The following PDE6A variants were observed in gnomAD, a reference collection of about 807,000 sequenced individuals.
PDE6A encodes the protein rod cGMP-specific 3',5'-cyclic phosphodiesterase subunit alpha.
Under a neutral mutation model 106.3 loss-of-function variants are expected in PDE6A, and 84 were observed. The ratio of observed to expected loss-of-function variants is 0.79; its 90% CI spans 0.66 to 0.95. PDE6A has a LOEUF of 0.95. Among genes scored for constraint, PDE6A ranks in the 40% least tolerant of loss-of-function variants. PDE6A has a pLI of 0.00. For synonymous variants in PDE6A, 394 were observed against 386.6 expected, an observed-to-expected ratio of 1.02 and a Z score of -0.23; for missense variants, 1,052 against 1,084.9, an observed-to-expected ratio of 0.97 and a Z score of 0.43.
At chr5:149,897,253 A>G (rs555981836) in intron 10 of PDE6A, among the ~76,000 whole-genome samples, 1 of 152,320 alleles carries the variant, frequency 6.6e-6, no homozygotes, top group East Asian at 1.9e-4. Context: ...CCTCTCATTT[A>G]CTGTGTAACT....
At chr5:149,868,277 G>T in intron 17 of PDE6A, 119 bp from the exon 18 acceptor site, 1 of 975,386 alleles carries the variant, frequency 1.0e-6, no homozygotes, top group Admixed American at 1.9e-5. Flanking sequence ...CTCATTGTGA[G>T]GAAAGGGCTC....
At chr5:149,925,753 A>C (rs1046824586) in intron 4 of PDE6A, among the ~76,000 whole-genome samples, 1 of 151,816 alleles carries the variant, frequency 6.6e-6, no homozygotes, top group Non-Finnish European at 1.5e-5. Flanking sequence ...AGATGGATCG[A>C]AGAAATATTC....
At chr5:149,885,384 G>C (rs1752250385) in intron 14 of PDE6A, among the ~76,000 whole-genome samples, 1 of 152,214 alleles carries the variant, frequency 6.6e-6, no homozygotes, top group African/African-American at 2.4e-5. Context: ...TTTCTCATCT[G>C]TAAGTAGGGA....
chr5:149,884,358 G>GTA (rs1561707563), intron 16 of PDE6A, 121 bp downstream of exon 16: 2 of 690,532 alleles, frequency 2.9e-6, no homozygotes, highest in Non-Finnish European at 5.2e-6. Context: ...GTATATATGT[G>GTA]TATATATGTA....
intron 13 of PDE6A, among the ~76,000 whole-genome samples, chr5:149,891,821 A>G (rs1730792002): frequency 6.6e-6 from 1 of 152,102 alleles, no homozygotes; most frequent in Non-Finnish European, 1.5e-5. Context: ...AAGGAAAAAA[A>G]AAGTTTGGTT....
At chr5:149,932,449 C>G (rs1754064645) in intron 3 of PDE6A, 6 of 1,402,738 alleles carry the variant, frequency 4.3e-6, no homozygotes, top group Non-Finnish European at 6.1e-6. Flanking sequence ...AGGTCAAGAT[C>G]TGCTGGTCTT....
At chr5:149,937,436 G>A (rs1754215004) in intron 1 of PDE6A, among the ~76,000 whole-genome samples, 1 of 152,180 alleles carries the variant, frequency 6.6e-6, no homozygotes, top group South Asian at 2.1e-4. Flanking sequence ...GGAGTGCAGT[G>A]TAGCCATCAT....
At chr5:149,894,523 A>T (rs554792453) in intron 13 of PDE6A, among the ~76,000 whole-genome samples, 1 of 152,278 alleles carries the variant, frequency 6.6e-6, no homozygotes, top group East Asian at 1.9e-4. Context: ...GGCTAACTAC[A>T]GAAATGGATA....
intron 3 of PDE6A, chr5:149,932,284 GCT>G (rs1754057274): frequency 2.8e-6 from 4 of 1,439,474 alleles, no homozygotes; most frequent in Admixed American, 1.7e-5. Context: ...CTCGTAGACC[GCT>G]CTCTTTTTAG....
chr5:149,883,861 T>TA (rs1455944820), intron 16 of PDE6A, among the ~76,000 whole-genome samples: 1 of 152,230 alleles, frequency 6.6e-6, no homozygotes, highest in African/African-American at 2.4e-5. Context: ...TAGTATATGC[T>TA]AAATTAATTG....
chr5:149,930,250 C>T (rs1434840849), intron 4 of PDE6A, among the ~76,000 whole-genome samples: 1 of 152,220 alleles, frequency 6.6e-6, no homozygotes, highest in Non-Finnish European at 1.5e-5. Context: ...AAGGGCTTTT[C>T]CAACCCCAGA....
intron 1 of PDE6A, among the ~76,000 whole-genome samples, chr5:149,935,648 G>A (rs1443499262): frequency 2.0e-5 from 3 of 152,208 alleles, no homozygotes; most frequent in African/African-American, 7.2e-5. Flanking sequence ...AGCCATTATA[G>A]GCTGTGGTGG....
At chr5:149,911,680 C>T (rs937909415) in intron 6 of PDE6A, among the ~76,000 whole-genome samples, 3 of 152,060 alleles carry the variant, frequency 2.0e-5, no homozygotes, top group African/African-American at 7.2e-5. Context: ...TGTCATTTAA[C>T]TTGAACATCT....
At chr5:149,896,261 T>C (rs1752745200) in intron 12 of PDE6A, 95 bp downstream of exon 12, 1 of 1,030,218 alleles carries the variant, frequency 9.7e-7, no homozygotes, top group East Asian at 2.4e-5. Flanking sequence ...GAGAGTAAAC[T>C]CTTTTTAAGG....
chr5:149,901,001 C>T (rs245075), intron 8 of PDE6A, among the ~76,000 whole-genome samples: 64,189 of 151,876 alleles, frequency 0.42, 15,667 homozygotes, highest in Non-Finnish European at 0.56. Flanking sequence ...TTGCAACCTC[C>T]GCTTCCTGGG....
Position 149,933,217 on chromosome 5 carries a change from C to T in PDE6A, c.717+713G>A, listed in dbSNP as rs111739918. ...TTCTGGCCTCAAGCAATCCTCCTAC[C>T]TCAGCCTCCCAAAGTGCTGGGATTA... On this transcript the variant is annotated intron_variant, in intron 3 of 21. Transcript: ENST00000255266. 2.9e-3 allele frequency among the ~76,000 whole-genome samples: 449 copies of T among 152,292 alleles called. 1 individual carries two copies. The highest frequency in any genetic ancestry group is 0.01 in the African/African-American group (436 of 41,568).
chr5:149,890,088 C>T (rs1294297236), intron 13 of PDE6A, among the ~76,000 whole-genome samples: 5 of 151,290 alleles, frequency 3.3e-5, no homozygotes, highest in Non-Finnish European at 2.9e-5. Context: ...CCTGAGTAGC[C>T]GGGATTACAG....
rs908195702 is a variant in PDE6A, at chr5:149,863,348, C to A, written c.2359-82G>T. On this transcript the variant is annotated intron_variant, in intron 20 of 21. Coordinates refer to ENST00000255266, the MANE Select transcript of PDE6A (RefSeq NM_000440.3). This position sits in a 1 kb window ranked among gnomAD's most constrained non-coding sequence, Gnocchi z 4.7. ...AAGCGGGTGGCACAGCTGGAAACGT[C>A]CAACACTGGAATGAGCTGCTTCGGA... 4 of 1,417,706 alleles carry A rather than the reference C, an allele frequency of 2.8e-6. No individual in the cohort carries two copies. The African/African-American group carries it at 5.6e-5, about 20-fold the overall frequency. The allele number at this position is 1,417,706 out of a possible 1,614,324, so 87.8% of individuals were successfully genotyped here.
In PDE6A at chr5:149,944,451, C is replaced by T; in HGVS notation, c.223G>A (p.Glu75Lys). The T allele has an allele frequency of 6.2e-7, 1 of 1,614,158 alleles. No individual in the cohort carries two copies. The highest frequency in any genetic ancestry group is 8.5e-7 in the Non-Finnish European group (1 of 1,180,016). The change falls in exon 1 of 22, where the codon GAG (glutamate) becomes AAG (lysine). Residue 75 changes from glutamate to lysine, a missense_variant. Coordinates refer to ENST00000255266, the MANE Select transcript of PDE6A (RefSeq NM_000440.3). ...LRDFQENLQT[E>K]KCIFNVMKKL... ...TTCATGACATTGAAGATGCATTTCT[C>T]TGTCTGTAAATTCTCCTGAAAGTCC...
Sources: allele counts gnomAD v4.1 joint callset (sites outside exome capture counted in the v4.1 genomes callset), GRCh38; gene constraint gnomAD v4.1.1; non-coding constraint Gnocchi (gnomAD v3.1); transcripts MANE v1.5; gene names NCBI Gene and HGNC (gene_info 2026-07-23, HGNC 2026-07-21).